Variants in MLXIP observed in about 807,000 individuals in gnomAD.
The protein encoded by MLXIP is MLX interacting protein.
In MLXIP, 30 loss-of-function variants were observed where a neutral mutation model predicts 87.2. The ratio of observed to expected loss-of-function variants is 0.34; its 90% CI spans 0.26 to 0.47. The LOEUF (loss-of-function observed/expected upper bound fraction) is 0.47, where lower values mean the gene tolerates loss of function less well. Among genes scored for constraint, MLXIP ranks in the 20% least tolerant of loss-of-function variants. MLXIP has a pLI of 1.00. For missense variants in MLXIP, 1,002 were observed against 1,240.1 expected, an observed-to-expected ratio of 0.81 and a Z score of 2.88; for synonymous variants, 530 against 514.0, an observed-to-expected ratio of 1.03 and a Z score of -0.42.
chr12:122,129,272 G>A, intron 4 of MLXIP, 46 bp downstream of exon 4: 1 of 1,519,596 alleles, frequency 6.6e-7, no homozygotes, highest in Non-Finnish European at 9.0e-7. Context: ...GAGGGAGTGG[G>A]CAGAGTCCCT....
intron 3 of MLXIP, chr12:122,128,673 G>A (rs1952921237): frequency 6.3e-6 from 1 of 158,722 alleles, no homozygotes; most frequent in African/African-American, 2.4e-5. Context: ...GTCATGCAAG[G>A]CATCCACACT....
In MLXIP at chr12:122,132,394, CTGGGGGATGGG is replaced by C. The variant is rs759378446; in HGVS notation, c.1092+19_1092+29del. 4 of 1,602,432 alleles carry C rather than the reference CTGGGGGATGGG, an allele frequency of 2.5e-6. No homozygotes were observed. The highest frequency in any genetic ancestry group is 3.4e-6 in the Non-Finnish European group (4 of 1,172,660). On this transcript the variant is annotated intron_variant, in intron 8 of 16. Transcript: ENST00000319080. ...AACCCACCTGCACAGGTAGAGGAAG[CTGGGGGATGGG>C]TGGGGGAAGGGGCTGGCAGGCACAG... is the stretch of plus-strand genomic sequence containing the variant.
intron 6 of MLXIP, 71 bp downstream of exon 6, chr12:122,130,183 A>G (rs2135974798): frequency 2.0e-6 from 3 of 1,485,316 alleles, no homozygotes; most frequent in East Asian, 2.4e-5. Context: ...CCTCTGGGCC[A>G]GGGTTCCTTC....
intron 3 of MLXIP, chr12:122,128,170 G>A (rs1593105144): frequency 1.8e-6 from 1 of 565,808 alleles, no homozygotes; most frequent in Non-Finnish European, 3.2e-6. Flanking sequence ...CCTTCTCAGA[G>A]GGACTGGCCC....
intron 1 of MLXIP, among the ~76,000 whole-genome samples, chr12:122,109,188 C>T (rs1036408847): frequency 1.3e-5 from 2 of 152,202 alleles, no homozygotes; most frequent in Admixed American, 6.5e-5. Flanking sequence ...CCACCTTGGC[C>T]TCCCAAAGTG....
chr12:122,119,735 T>C (rs780103243), intron 1 of MLXIP, among the ~76,000 whole-genome samples: 1 of 152,240 alleles, frequency 6.6e-6, no homozygotes, highest in African/African-American at 2.4e-5. Flanking sequence ...ATCTAGGTTA[T>C]TTCCAACCTT....
intron 1 of MLXIP, among the ~76,000 whole-genome samples, chr12:122,113,540 T>A (rs1307825086): frequency 6.6e-6 from 1 of 152,138 alleles, no homozygotes; most frequent in Non-Finnish European, 1.5e-5. Flanking sequence ...AGTGCTGGGA[T>A]TACAGATGTG....
In MLXIP at chr12:122,124,197, CT is replaced by C. The variant is rs869181164; in HGVS notation, c.414-3058del. On this transcript the variant is annotated intron_variant, in intron 1 of 16. Coordinates refer to ENST00000319080, the MANE Select transcript of MLXIP (RefSeq NM_014938.6). ...TCCCCCGCCCCAGCCGTCCCCCGCC[CT>C]CAGCTGTCCCCCTCCTCAGCCGTCC... Among the ~76,000 whole-genome samples, 122 of 73,092 alleles carry C rather than the reference CT, an allele frequency of 1.7e-3. 1 individual carries two copies. The highest frequency in any genetic ancestry group is 2.8e-3 in the African/African-American group (43 of 15,586). 48.0% of individuals were successfully genotyped at this position (73,092 alleles called of 152,430 possible).
At chr12:122,117,697 C>G (rs971205490) in intron 1 of MLXIP, among the ~76,000 whole-genome samples, 1 of 152,122 alleles carries the variant, frequency 6.6e-6, no homozygotes, top group African/African-American at 2.4e-5. Flanking sequence ...ATACAGTAGT[C>G]CCCCCTTATC....
intron 1 of MLXIP, among the ~76,000 whole-genome samples, chr12:122,101,584 C>CTTT (rs371090324): frequency 1.9e-4 from 23 of 119,014 alleles, no homozygotes; most frequent in East Asian, 4.7e-4. Flanking sequence ...CTTTTTTTTT[C>CTTT]TTTTTTTTTT....
chr12:122,128,228 T>C (rs1217939829), intron 3 of MLXIP: 1 of 425,798 alleles, frequency 2.3e-6, no homozygotes. Flanking sequence ...AAAGTGTGTG[T>C]CTATGTGTGA....
At position 122,135,437 on chromosome 12, in the gene MLXIP, G is replaced by T; in HGVS notation, c.1855-52G>T. Reference sequence around the variant, plus strand: ...CCTCACCTGAGACGACTGGTGTGCCGCCCTGCTGTATATCAGCAGTCAGGG... The same window carrying T: ...CCTCACCTGAGACGACTGGTGTGCCTCCCTGCTGTATATCAGCAGTCAGGG... On this transcript the variant is annotated intron_variant, in intron 10 of 16. Transcript: ENST00000319080. This position sits in a 1 kb window ranked among gnomAD's most constrained non-coding sequence, Gnocchi z 5.3. 1 of 1,605,612 alleles carries T rather than the reference G, an allele frequency of 6.2e-7. No individual in the cohort carries two copies.
At position 122,133,559 on chromosome 12, in the gene MLXIP, C is replaced by T. The variant is rs951262509; in HGVS notation, c.1304C>T (p.Pro435Leu). The T allele has an allele frequency of 1.2e-5, 19 of 1,607,100 alleles. No individual in the cohort carries two copies. Among genetic ancestry groups the T allele is most frequent in the Non-Finnish European group, 1.6e-5 (19 of 1,176,978 alleles). ...CCCTTCCTCCCTGTCTTCACCATGC[C>T]CCTGCTGTCTCCCAGCCCCGCCCCA... is the stretch of plus-strand genomic sequence containing the variant. Reference protein sequence around the residue: ...PQPFLPVFTMPLLSPSPAPPP... With the variant: ...PQPFLPVFTMLLLSPSPAPPP... The change falls in exon 9 of 17, where the codon CCC (proline) becomes CTC (leucine). Residue 435 changes from proline (P) to leucine (L), a missense_variant. Physicochemically the swap from Pro to Leu is moderately conservative, Grantham distance 98. Coordinates refer to ENST00000319080, the MANE Select transcript of MLXIP (RefSeq NM_014938.6). This position sits in a 1 kb window ranked among gnomAD's most constrained non-coding sequence, Gnocchi z 4.9.
chr12:122,127,416 G>A, intron 2 of MLXIP, 54 bp downstream of exon 2: 1 of 1,319,014 alleles, frequency 7.6e-7, no homozygotes, highest in South Asian at 1.4e-5. Context: ...ACGGCCTGGA[G>A]GCCTGGGCAC....
Position 122,127,328 on chromosome 12 carries a change from C to A in MLXIP, c.486C>A (p.Leu162=), listed in dbSNP as rs768990412. 1 of 1,613,334 alleles carries A rather than the reference C, an allele frequency of 6.2e-7. No homozygotes were observed. The highest frequency in any genetic ancestry group is 8.5e-7 in the Non-Finnish European group (1 of 1,179,628). ...TACAGTGGAGAGACAAGATCCGGCT[C>A]AATAATGCCATCTGGCGGGCCTGGT... is the stretch of plus-strand genomic sequence containing the variant. ...LKLQWRDKIR[L]NNAIWRAWYM... Residue 162 remains leucine (L), a synonymous_variant, in exon 2 of 17, where the codon CTC becomes CTA. Transcript: ENST00000319080.
chr12:122,127,334 T>C lies in MLXIP; in HGVS notation c.492T>C (p.Asn164=). 6.2e-7 allele frequency: 1 copy of C among 1,613,218 alleles called. No homozygotes were observed. The highest frequency in any genetic ancestry group is 1.7e-5 in the Admixed American group (1 of 59,868). ...GGAGAGACAAGATCCGGCTCAATAA[T>C]GCCATCTGGCGGGCCTGGTACATGC... ...LQWRDKIRLN[N]AIWRAWYMQY... Residue 164 remains asparagine (N), a synonymous_variant, in exon 2 of 17, where the codon AAT becomes AAC. Transcript: ENST00000319080.
At position 122,137,671 on chromosome 12, in the gene MLXIP, C is replaced by T. The variant is rs1317673686; in HGVS notation, c.2154+81C>T. On this transcript the variant is annotated intron_variant, in intron 12 of 16. Transcript: ENST00000319080. The surrounding 1 kb of genome is among the most constrained non-coding windows in gnomAD (Gnocchi z 4.1). ...TCAAGGATCTGTGTCTTGTCTGGAA[C>T]GGAGACCTCAGACCCAGCCAGAGCT... is the stretch of plus-strand genomic sequence containing the variant. 4.2e-5 allele frequency: 66 copies of T among 1,572,154 alleles called. No individual in the cohort carries two copies. The highest frequency in any genetic ancestry group is 6.8e-5 in the African/African-American group (5 of 74,048).
At chr12:122,102,616 A>G (rs1358863802) in intron 1 of MLXIP, among the ~76,000 whole-genome samples, 1 of 152,254 alleles carries the variant, frequency 6.6e-6, no homozygotes, top group Admixed American at 6.5e-5. Flanking sequence ...ACAGATGTTC[A>G]CAGAAGTATT....
intron 1 of MLXIP, among the ~76,000 whole-genome samples, chr12:122,103,284 G>A (rs1348589676): frequency 6.6e-6 from 1 of 151,824 alleles, no homozygotes; most frequent in Non-Finnish European, 1.5e-5. Flanking sequence ...GAGTGTGGTG[G>A]TGCAGTTTTG....
Sources: allele counts gnomAD v4.1 joint callset (sites outside exome capture counted in the v4.1 genomes callset), GRCh38; gene constraint gnomAD v4.1.1; non-coding constraint Gnocchi (gnomAD v3.1); transcripts MANE v1.5; gene names NCBI Gene and HGNC (gene_info 2026-07-23, HGNC 2026-07-21).